GRIK2: variants seen among roughly 807,000 people sequenced by gnomAD.
The protein encoded by GRIK2 is glutamate ionotropic receptor kainate type subunit 2, also known as glutamate receptor ionotropic, kainate 2.
GRIK2 carries 32 observed loss-of-function variants against 100.3 expected under a neutral mutation model. The ratio of observed to expected loss-of-function variants is 0.32; its 90% confidence interval spans 0.24 to 0.43. GRIK2 has a LOEUF of 0.43. Ranked by LOEUF, GRIK2 falls within the 20% of genes least tolerant of loss-of-function variation. GRIK2 has a pLI of 1.00. For missense variants in GRIK2, 843 were observed against 1,114.9 expected, an observed-to-expected ratio of 0.76 and a Z score of 3.47; for synonymous variants, 417 against 389.4, an observed-to-expected ratio of 1.07 and a Z score of -0.83.
At chr6:101,510,475 G>T (rs1314772650) in intron 2 of GRIK2, among the ~76,000 whole-genome samples, 2 of 125,314 alleles carry the variant, frequency 1.6e-5, no homozygotes, top group East Asian at 2.8e-4. Context: ...CAATCATTTT[G>T]TTTGGCTATG....
At chr6:101,714,062 T>A (rs1773897361) in intron 7 of GRIK2, among the ~76,000 whole-genome samples, 1 of 151,796 alleles carries the variant, frequency 6.6e-6, no homozygotes, top group Admixed American at 6.6e-5. Context: ...CTTTCTTATA[T>A]TAAAATGCAA....
At chr6:101,873,725 G>A (rs1387598452) in intron 11 of GRIK2, among the ~76,000 whole-genome samples, 4 of 151,974 alleles carry the variant, frequency 2.6e-5, no homozygotes, top group Admixed American at 2.0e-4. Context: ...GTGTAAAAGT[G>A]TTCCTATTTC....
chr6:101,922,218 A>G (rs1389743593), intron 12 of GRIK2, among the ~76,000 whole-genome samples: 1 of 151,242 alleles, frequency 6.6e-6, no homozygotes, highest in Non-Finnish European at 1.5e-5. Context: ...TAGAAAATAA[A>G]TTTTTCAAAT....
At chr6:101,962,013 GT>G (rs971011387) in intron 14 of GRIK2, among the ~76,000 whole-genome samples, 19 of 152,064 alleles carry the variant, frequency 1.2e-4, no homozygotes, top group Admixed American at 1.2e-3. Flanking sequence ...CAAGAAATTT[GT>G]AAACACAACC....
At chr6:101,619,004 A>T (rs1024741713) in intron 2 of GRIK2, among the ~76,000 whole-genome samples, 1 of 148,938 alleles carries the variant, frequency 6.7e-6, no homozygotes, top group South Asian at 2.1e-4. Context: ...ACTATCTAGT[A>T]TGGTGAATCT....
At chr6:101,537,438 GTGTT>G (rs1396034599) in intron 2 of GRIK2, among the ~76,000 whole-genome samples, 1 of 95,108 alleles carries the variant, frequency 1.1e-5, no homozygotes, top group East Asian at 2.4e-4. Context: ...TTGTGTGTGT[GTGTT>G]TGTGTGTGTG....
At chr6:101,931,501 A>G (rs1790283458) in intron 14 of GRIK2, among the ~76,000 whole-genome samples, 1 of 152,172 alleles carries the variant, frequency 6.6e-6, no homozygotes, top group Non-Finnish European at 1.5e-5. Flanking sequence ...GGCTCCAGAT[A>G]TCTGGTGTTA....
intron 2 of GRIK2, among the ~76,000 whole-genome samples, chr6:101,478,348 C>T (rs1246633568): frequency 1.3e-5 from 2 of 151,650 alleles, no homozygotes; most frequent in Non-Finnish European, 2.9e-5. Flanking sequence ...GTTTACTTTC[C>T]TTTGTTTTCT....
intron 2 of GRIK2, among the ~76,000 whole-genome samples, chr6:101,493,988 A>C (rs1198679172): frequency 7.7e-6 from 1 of 130,144 alleles, no homozygotes; most frequent in African/African-American, 2.6e-5. Flanking sequence ...ATATTATATA[A>C]AAATTATAAA....
At chr6:101,423,455 CTT>C (rs1386759791) in intron 2 of GRIK2, among the ~76,000 whole-genome samples, 1 of 152,050 alleles carries the variant, frequency 6.6e-6, no homozygotes, top group Non-Finnish European at 1.5e-5. Flanking sequence ...CTCGACAGCA[CTT>C]GTTTTTTTAT....
At chr6:101,945,441 T>C (rs1463789009) in intron 14 of GRIK2, among the ~76,000 whole-genome samples, 1 of 152,162 alleles carries the variant, frequency 6.6e-6, no homozygotes, top group Non-Finnish European at 1.5e-5. Flanking sequence ...ATGCCATCAA[T>C]GCTGTTGCTC....
intron 7 of GRIK2, among the ~76,000 whole-genome samples, chr6:101,785,411 G>GT (rs1395222619): frequency 6.6e-5 from 10 of 152,100 alleles, no homozygotes; most frequent in Non-Finnish European, 1.3e-4. Context: ...GTCCTAGAGT[G>GT]TTAGTCTGTG....
intron 2 of GRIK2, among the ~76,000 whole-genome samples, chr6:101,562,318 C>G (rs571859638): frequency 6.6e-6 from 1 of 151,966 alleles, no homozygotes; most frequent in East Asian, 1.9e-4. Flanking sequence ...ATAATGGACA[C>G]GGCATCACAC....
intron 16 of GRIK2, among the ~76,000 whole-genome samples, chr6:102,062,250 G>A (rs2114525559): frequency 6.6e-6 from 1 of 150,546 alleles, no homozygotes; most frequent in African/African-American, 2.4e-5. Context: ...CACTAAGAAA[G>A]ATATGTATTT....
At chr6:101,759,559 A>C (rs1302868292) in intron 7 of GRIK2, among the ~76,000 whole-genome samples, 1 of 152,148 alleles carries the variant, frequency 6.6e-6, no homozygotes. Context: ...TGAGGTTTGG[A>C]GAGGTTACTG....
chr6:101,717,862 G>C (rs935008659), intron 7 of GRIK2, among the ~76,000 whole-genome samples: 2 of 151,764 alleles, frequency 1.3e-5, no homozygotes, highest in African/African-American at 4.8e-5. Flanking sequence ...CAGTTTAGTT[G>C]TATGTGCTTG....
At position 101,570,194 on chromosome 6, in the gene GRIK2, A is replaced by G. The variant is rs550467396; in HGVS notation, c.116-51755A>G. Reference sequence around the variant, plus strand: ...TCCATGATCTCTATACAGTTTGGGAAAGATCATTTTACCGCTACAAAATTT... The same window carrying G: ...TCCATGATCTCTATACAGTTTGGGAGAGATCATTTTACCGCTACAAAATTT... On this transcript the variant is annotated intron_variant, in intron 2 of 16. Transcript: ENST00000369134. Among the ~76,000 whole-genome samples, 27 of 152,216 alleles carry G rather than the reference A, an allele frequency of 1.8e-4. No homozygotes were observed. The East Asian group carries it at 5.0e-3, about 28-fold the overall frequency.
At chr6:101,478,538 G>T (rs1772370491) in intron 2 of GRIK2, among the ~76,000 whole-genome samples, 1 of 141,940 alleles carries the variant, frequency 7.0e-6, no homozygotes, top group Non-Finnish European at 1.5e-5. Context: ...AATTGAGATG[G>T]AGTCTCACTC....
At position 101,626,444 on chromosome 6, in the gene GRIK2, C is replaced by T. The variant is rs201788540; in HGVS notation, c.348C>T (p.Asn116=). Residue 116 remains asparagine, a synonymous_variant, in exon 4 of 17, where the codon AAC becomes AAT. Transcript: ENST00000369134. ...IFGPSHSSSA[N]AVQSICNALG... is the part of the protein sequence containing the mutation. ...GGCCTTCACACAGCTCATCAGCAAA[C>T]GCAGTGCAGTCCATCTGCAATGCTC... 3.0e-5 allele frequency: 49 copies of T among 1,613,468 alleles called. No homozygotes were observed. Among genetic ancestry groups the T allele is most frequent in the Middle Eastern group, 1.7e-4 (1 of 6,008 alleles).
Sources: allele counts gnomAD v4.1 joint callset (sites outside exome capture counted in the v4.1 genomes callset), GRCh38; gene constraint gnomAD v4.1.1; transcripts MANE v1.5; gene names NCBI Gene and HGNC (gene_info 2026-07-23, HGNC 2026-07-21).